The following AGBL1 variants were observed in gnomAD, a reference collection of about 807,000 sequenced individuals.
AGBL1 encodes AGBL carboxypeptidase 1.
Under a neutral mutation model 118.9 loss-of-function variants are expected in AGBL1, and 130 were observed. The ratio of observed to expected loss-of-function variants is 1.09; its 90% confidence interval spans 0.95 to 1.26. AGBL1 has a LOEUF of 1.26. Ranked by LOEUF, AGBL1 falls within the 50% of genes most tolerant of loss-of-function variation. The pLI is 0.00. For synonymous variants in AGBL1, 555 were observed against 478.9 expected, an observed-to-expected ratio of 1.16 and a Z score of -2.08; for missense variants, 1,584 against 1,298.1, an observed-to-expected ratio of 1.22 and a Z score of -3.38.
At chr15:86,280,231 A>G (rs1340148063) in intron 16 of AGBL1, among the ~76,000 whole-genome samples, 2 of 152,192 alleles carry the variant, frequency 1.3e-5, no homozygotes, top group African/African-American at 4.8e-5. Context: ...GTCTGTGTGC[A>G]AGTAGCCACG....
At chr15:86,752,916 G>T (rs578178607) in intron 22 of AGBL1, among the ~76,000 whole-genome samples, 185 of 152,140 alleles carry the variant, frequency 1.2e-3, no homozygotes, top group Non-Finnish European at 2.1e-3. Flanking sequence ...CCAGAATATT[G>T]CAATTTTCAC....
At position 86,097,997 on chromosome 15, in the gene AGBL1, A is replaced by G. The variant is rs375943947; in HGVS notation, c.51+17974A>G. ...AGCATCTGATAGTTTTTGTCTTTTT[A>G]ATAATATCCATTCTTCCTGGGGTAA... On this transcript the variant is annotated intron_variant, in intron 1 of 22. Coordinates refer to ENST00000614907, the MANE Select transcript of AGBL1 (RefSeq NM_001386094.1). 3.9e-5 allele frequency among the ~76,000 whole-genome samples: 6 copies of G among 152,060 alleles called. No individual in the cohort carries two copies. In the East Asian group the frequency reaches 1.2e-3, roughly 29 times the overall value.
intron 21 of AGBL1, among the ~76,000 whole-genome samples, chr15:86,599,932 A>C (rs1203226709): frequency 6.6e-6 from 1 of 152,090 alleles, no homozygotes; most frequent in Non-Finnish European, 1.5e-5. Flanking sequence ...TAATAATAAA[A>C]ACCCCCATAT....
intron 18 of AGBL1, among the ~76,000 whole-genome samples, chr15:86,486,765 T>C (rs2082717489): frequency 1.3e-5 from 2 of 152,098 alleles, no homozygotes; most frequent in African/African-American, 4.8e-5. Flanking sequence ...ATCCTCCCTC[T>C]CTCTTTTTAT....
intron 17 of AGBL1, among the ~76,000 whole-genome samples, chr15:86,378,818 G>A (rs2081073193): frequency 6.6e-6 from 1 of 152,110 alleles, no homozygotes; most frequent in Non-Finnish European, 1.5e-5. Context: ...GTTTTCCCAG[G>A]TTGGAGGAGT....
At chr15:86,692,271 C>A (rs2086185471) in intron 22 of AGBL1, among the ~76,000 whole-genome samples, 1 of 152,116 alleles carries the variant, frequency 6.6e-6, no homozygotes, top group East Asian at 1.9e-4. Context: ...TAGCATCAAG[C>A]AGATGGCACA....
chr15:86,415,880 T>C (rs2081686739), intron 18 of AGBL1, among the ~76,000 whole-genome samples: 1 of 152,184 alleles, frequency 6.6e-6, no homozygotes, highest in African/African-American at 2.4e-5. Context: ...CATTTATAGT[T>C]AAGACAATGA....
rs80293053 is a variant in AGBL1 at position 86,757,192 on chromosome 15, G to A, written c.3158+82756G>A. ...ACTTCTGAAGATACATAGAAAAAGC[G>A]TGGTCCTTCTTGCTATTTCTAGCGG... On this transcript the variant is annotated intron_variant, in intron 22 of 22. Transcript: ENST00000614907. Among the ~76,000 whole-genome samples, 363 of 152,182 alleles carry A rather than the reference G, an allele frequency of 2.4e-3. 4 individuals are homozygous for A. Among genetic ancestry groups the A allele is most frequent in the African/African-American group, 8.0e-3 (333 of 41,550 alleles).
intron 4 of AGBL1, among the ~76,000 whole-genome samples, chr15:86,154,776 G>C (rs2077165773): frequency 6.6e-6 from 1 of 152,118 alleles, no homozygotes; most frequent in African/African-American, 2.4e-5. Flanking sequence ...TCTTGAGTCT[G>C]CTCCTAGAGA....
intron 22 of AGBL1, among the ~76,000 whole-genome samples, chr15:86,797,416 C>T (rs1343100269): frequency 6.6e-6 from 1 of 152,212 alleles, no homozygotes; most frequent in African/African-American, 2.4e-5. Flanking sequence ...GCAGAACCCC[C>T]TCTTATTTCC....
At chr15:86,963,015 G>A (rs575559855) in intron 23 of AGBL1, among the ~76,000 whole-genome samples, 5 of 152,054 alleles carry the variant, frequency 3.3e-5, no homozygotes, top group Admixed American at 6.6e-5. Context: ...CGATTAAAAC[G>A]TGAGCATTAA....
At chr15:86,930,871 A>T (rs888904524) in intron 23 of AGBL1, among the ~76,000 whole-genome samples, 2 of 152,208 alleles carry the variant, frequency 1.3e-5, no homozygotes, top group Non-Finnish European at 2.9e-5. Flanking sequence ...GTGGCTTAAA[A>T]CAATAGTCAA....
At chr15:86,977,300 G>A (rs567971238) in intron 23 of AGBL1, among the ~76,000 whole-genome samples, 198 of 151,770 alleles carry the variant, frequency 1.3e-3, no homozygotes, top group African/African-American at 4.6e-3. Flanking sequence ...AGTTTTAGCG[G>A]TCTACTAAGC....
chr15:86,364,960 T>TAA (rs2080860053), intron 17 of AGBL1, among the ~76,000 whole-genome samples: 1 of 18,436 alleles, frequency 5.4e-5, no homozygotes, highest in East Asian at 4.6e-4. Flanking sequence ...ATGTCACACA[T>TAA]ATATATATAT....
At chr15:86,628,882 G>A (rs1289542693) in intron 21 of AGBL1, among the ~76,000 whole-genome samples, 1 of 152,098 alleles carries the variant, frequency 6.6e-6, no homozygotes, top group Non-Finnish European at 1.5e-5. Flanking sequence ...AATGTATACA[G>A]TATATTAAAG....
intron 21 of AGBL1, among the ~76,000 whole-genome samples, chr15:86,608,504 C>G (rs2084613809): frequency 1.3e-5 from 2 of 152,114 alleles, no homozygotes; most frequent in African/African-American, 4.8e-5. Flanking sequence ...GCCTTGCAAC[C>G]TTCTCACTGA....
At chr15:86,830,065 T>C (rs943740811) in intron 22 of AGBL1, among the ~76,000 whole-genome samples, 1 of 152,138 alleles carries the variant, frequency 6.6e-6, no homozygotes, top group Non-Finnish European at 1.5e-5. Flanking sequence ...TTTATATGTT[T>C]CCAATTTTTA....
chr15:86,916,437 G>C (rs1254499303), downstream of AGBL1, among the ~76,000 whole-genome samples: 2 of 152,164 alleles, frequency 1.3e-5, no homozygotes, highest in Non-Finnish European at 2.9e-5. Context: ...TTGTGTGTGT[G>C]TGTGTGAATG....
At chr15:86,767,041 G>A (rs1435540139) in intron 22 of AGBL1, among the ~76,000 whole-genome samples, 1 of 151,978 alleles carries the variant, frequency 6.6e-6, no homozygotes, top group Non-Finnish European at 1.5e-5. Context: ...TAGTAATCAT[G>A]TTTAAGAATT....
Sources: allele counts gnomAD v4.1 joint callset (sites outside exome capture counted in the v4.1 genomes callset), GRCh38; gene constraint gnomAD v4.1.1; transcripts MANE v1.5; gene names NCBI Gene and HGNC (gene_info 2026-07-23, HGNC 2026-07-21).